Variants in SNX14 observed in about 807,000 individuals in gnomAD.
SNX14 encodes the protein sorting nexin 14, also known as sorting nexin-14.
SNX14 carries 93 observed loss-of-function variants against 133.8 expected under a neutral mutation model. The ratio of observed to expected loss-of-function variants is 0.70; its 90% CI spans 0.59 to 0.83. The LOEUF (loss-of-function observed/expected upper bound fraction) is 0.83. SNX14 is among the 40% of genes least tolerant of loss of function. The pLI is 0.00. For synonymous variants in SNX14, 368 were observed against 365.6 expected (o/e 1.01, Z -0.07); for missense variants, 945 against 1,094.9 (o/e 0.86, Z 1.93).
At chr6:85,586,356 G>GA (rs1800860155) in intron 1 of SNX14, among the ~76,000 whole-genome samples, 1 of 152,056 alleles carries the variant, frequency 6.6e-6, no homozygotes, top group African/African-American at 2.4e-5. Flanking sequence ...ACACTTTACA[G>GA]AAAAAAATGT....
chr6:85,539,011 A>T, intron 15 of SNX14, 147 bp from the exon 16 acceptor site: 1 of 546,682 alleles, frequency 1.8e-6, no homozygotes, highest in Non-Finnish European at 3.1e-6. Context: ...CAAAGGGAAG[A>T]AATCTTCATG....
At chr6:85,515,489 TGA>T (rs1264218383) in intron 23 of SNX14, among the ~76,000 whole-genome samples, 1 of 150,794 alleles carries the variant, frequency 6.6e-6, no homozygotes, top group Non-Finnish European at 1.5e-5. Context: ...GGTGACAGAG[TGA>T]GACTCTGTGA....
In SNX14 at chr6:85,590,019, C is replaced by A. The variant is rs995695433; in HGVS notation, c.140+3560G>T. 2.0e-5 allele frequency among the ~76,000 whole-genome samples: 3 copies of A among 152,164 alleles called. No homozygotes were observed. The East Asian group carries it at 5.8e-4, about 29-fold the overall frequency. The stretch of plus-strand genomic sequence containing the variant: ...CCACTTCCACAGCTTCGATGTTGAA[C>A]TCATGGGGTTCTGGGTGGCCAGGGG... On this transcript the variant is annotated intron_variant, in intron 1 of 28. Coordinates refer to ENST00000314673, the MANE Select transcript of SNX14 (RefSeq NM_153816.6).
At position 85,550,846 on chromosome 6, in the gene SNX14, T is replaced by G. The variant is rs147400516; in HGVS notation, c.635-967A>C. Among the ~76,000 whole-genome samples the G allele has an allele frequency of 1.3e-3, 192 of 151,904 alleles. 1 individual carries two copies. The highest frequency in any genetic ancestry group is 4.5e-3 in the African/African-American group (186 of 41,426). On this transcript the variant is annotated intron_variant, in intron 7 of 28. Transcript: ENST00000314673. ...TCCCCCAGGCTGGAACGCAATGGCA[T>G]GATCTCAGTTCACTGCTACCTCCAC...
intron 20 of SNX14, among the ~76,000 whole-genome samples, chr6:85,527,570 C>G (rs1778897438): frequency 6.6e-6 from 1 of 151,806 alleles, no homozygotes; most frequent in African/African-American, 2.4e-5. Flanking sequence ...ATTCCATGCC[C>G]AAATAAAGTA....
intron 1 of SNX14, among the ~76,000 whole-genome samples, chr6:85,582,299 C>T (rs978287605): frequency 6.6e-6 from 1 of 152,058 alleles, no homozygotes; most frequent in Non-Finnish European, 1.5e-5. Context: ...AAGGACTTTC[C>T]CAGGCAAACA....
intron 21 of SNX14, among the ~76,000 whole-genome samples, chr6:85,519,284 T>C (rs1404260534): frequency 6.6e-6 from 1 of 152,230 alleles, no homozygotes; most frequent in African/African-American, 2.4e-5. Context: ...TCTACTTGCA[T>C]TATTTAACTC....
rs1799018408 is a variant in SNX14 at position 85,581,411 on chromosome 6, C to T, written c.141-7033G>A. 2.6e-5 allele frequency: 4 copies of T among 152,310 alleles called. No homozygotes were observed. The South Asian group carries it at 8.3e-4, about 32-fold the overall frequency. 9.4% of individuals were successfully genotyped at this position (152,310 alleles called of 1,614,324 possible). ...AAACAAGCCCAGAATGCAAACACTA[C>T]AATAAATAACTCTTCAATACCCAGA... On this transcript the variant is annotated intron_variant, in intron 1 of 28. Transcript: ENST00000314673.
At chr6:85,524,253 A>G in intron 21 of SNX14, among the ~76,000 whole-genome samples, 1 of 152,176 alleles carries the variant, frequency 6.6e-6, no homozygotes, top group East Asian at 1.9e-4. Flanking sequence ...AGATTAAAAT[A>G]ATAGGTTCTG....
At chr6:85,574,503 T>C in intron 1 of SNX14, 125 bp from the exon 2 acceptor site, 1 of 607,480 alleles carries the variant, frequency 1.6e-6, no homozygotes, top group Non-Finnish European at 2.7e-6. Flanking sequence ...TTTTTCAAAT[T>C]ATGATTAATT....
chr6:85,584,547 T>A (rs989788458), intron 1 of SNX14, among the ~76,000 whole-genome samples: 1 of 151,670 alleles, frequency 6.6e-6, no homozygotes, highest in African/African-American at 2.4e-5. Flanking sequence ...TAAACAAATT[T>A]ACAAGAAAAA....
chr6:85,517,610 G>A, intron 23 of SNX14, 146 bp downstream of exon 23: 1 of 911,204 alleles, frequency 1.1e-6, no homozygotes. Flanking sequence ...AATACCCTCT[G>A]TATACCGTTC....
chr6:85,549,203 A>AGGG (rs1786897951), intron 8 of SNX14, among the ~76,000 whole-genome samples: 2 of 152,226 alleles, frequency 1.3e-5, no homozygotes, highest in South Asian at 4.1e-4. Flanking sequence ...ATATCACTAA[A>AGGG]AATAAGCCAT....
At chr6:85,518,500 T>C (rs980318693) in intron 21 of SNX14, among the ~76,000 whole-genome samples, 1 of 152,196 alleles carries the variant, frequency 6.6e-6, no homozygotes. Flanking sequence ...TAGTTTATAT[T>C]CTGAATTTTA....
chr6:85,515,647 A>G (rs764578380), intron 23 of SNX14, among the ~76,000 whole-genome samples: 44 of 152,192 alleles, frequency 2.9e-4, no homozygotes, highest in Non-Finnish European at 5.1e-4. Context: ...ATTGGCTCTT[A>G]TGTCAGATAT....
intron 28 of SNX14, among the ~76,000 whole-genome samples, chr6:85,506,305 C>T (rs1157984609): frequency 6.6e-6 from 1 of 150,926 alleles, no homozygotes; most frequent in African/African-American, 2.5e-5. Context: ...CACTTAATAT[C>T]ACAATAACTT....
At chr6:85,508,385 G>A (rs1771516420) in intron 26 of SNX14, 1 of 1,006,762 alleles carries the variant, frequency 9.9e-7, no homozygotes, top group African/African-American at 1.7e-5. Context: ...CCCACTAAGG[G>A]AAAACAAAAC....
intron 12 of SNX14, among the ~76,000 whole-genome samples, chr6:85,544,586 C>T (rs911233591): frequency 1.1e-4 from 16 of 151,994 alleles, no homozygotes; most frequent in Non-Finnish European, 2.2e-4. Flanking sequence ...ATCGCTTGAG[C>T]CCAGGAGTTC....
chr6:85,542,911 C>T (rs1784270565), intron 14 of SNX14, among the ~76,000 whole-genome samples: 1 of 151,916 alleles, frequency 6.6e-6, no homozygotes, highest in African/African-American at 2.4e-5. Context: ...AGATTACAGG[C>T]ATGTGCCACC....
Sources: gnomAD v4.1 joint callset for allele counts (sites outside exome capture counted in the v4.1 genomes callset) on GRCh38, gnomAD v4.1.1 for gene constraint, MANE v1.5 for transcripts, NCBI Gene and HGNC (gene_info 2026-07-23, HGNC 2026-07-21) for gene names.